CD38: variants seen among roughly 807,000 people sequenced by gnomAD.
CD38 encodes ADP-ribosyl cyclase/cyclic ADP-ribose hydrolase 1.
Under a neutral mutation model 36.3 loss-of-function variants are expected in CD38, and 31 were observed. That is an observed-to-expected ratio of 0.85 (90% CI 0.64 to 1.15). The LOEUF is 1.15. CD38 is among the 50% of genes most tolerant of loss of function. The pLI is 0.00. For missense variants in CD38, 380 were observed against 371.9 expected (o/e 1.02, Z -0.18); for synonymous variants, 131 against 135.2 (o/e 0.97, Z 0.22).
At chr4:15,786,964 A>T (rs2148914272) in intron 1 of CD38, among the ~76,000 whole-genome samples, 1 of 152,342 alleles carries the variant, frequency 6.6e-6, no homozygotes, top group East Asian at 1.9e-4. Flanking sequence ...CACCCTCCAC[A>T]GCTGCTGGCC....
chr4:15,802,994 A>G (rs905489023), intron 1 of CD38, among the ~76,000 whole-genome samples: 1 of 152,240 alleles, frequency 6.6e-6, no homozygotes, highest in African/African-American at 2.4e-5. Flanking sequence ...AAATTCACAT[A>G]TTTATGGCCT....
At chr4:15,802,900 A>C (rs1723260870) in intron 1 of CD38, among the ~76,000 whole-genome samples, 1 of 152,194 alleles carries the variant, frequency 6.6e-6, no homozygotes, top group Non-Finnish European at 1.5e-5. Flanking sequence ...CTTTACTTTA[A>C]AATATAATAC....
chr4:15,822,370 G>C (rs1396750124), intron 2 of CD38, among the ~76,000 whole-genome samples: 1 of 152,118 alleles, frequency 6.6e-6, no homozygotes, highest in Non-Finnish European at 1.5e-5. Flanking sequence ...AAGAAATAAA[G>C]TCTTTTCAAA....
At chr4:15,797,449 A>T (rs1476290187) in intron 1 of CD38, among the ~76,000 whole-genome samples, 1 of 152,204 alleles carries the variant, frequency 6.6e-6, no homozygotes, top group Non-Finnish European at 1.5e-5. Flanking sequence ...ACTTGCGCAT[A>T]TGATTTTTTC....
At chr4:15,805,251 G>T (rs2148919461) in intron 1 of CD38, among the ~76,000 whole-genome samples, 3 of 152,046 alleles carry the variant, frequency 2.0e-5, no homozygotes, top group Middle Eastern at 6.8e-3. Flanking sequence ...TCTAGTTAAG[G>T]TCCAGTTTGT....
At chr4:15,838,252 C>A in intron 5 of CD38, 87 bp downstream of exon 5, 1 of 1,103,104 alleles carries the variant, frequency 9.1e-7, no homozygotes, top group Admixed American at 1.9e-5. Flanking sequence ...ATATGCTTTT[C>A]ATGTTTCAGG....
chr4:15,823,010 A>G (rs1409892990), intron 2 of CD38, among the ~76,000 whole-genome samples: 2 of 152,124 alleles, frequency 1.3e-5, no homozygotes, highest in African/African-American at 4.8e-5. Flanking sequence ...CAGAGTAGAG[A>G]TCTCAGAAAT....
intron 2 of CD38, among the ~76,000 whole-genome samples, chr4:15,819,720 A>G (rs1193805710): frequency 6.6e-6 from 1 of 152,210 alleles, no homozygotes; most frequent in African/African-American, 2.4e-5. Flanking sequence ...AAAGGAACAA[A>G]CAAAACCTCT....
At position 15,849,146 on chromosome 4, in the gene CD38, C is replaced by G. The variant is rs2148930375; in HGVS notation, c.*544C>G. 1 of 152,390 alleles carries G rather than the reference C, an allele frequency of 6.6e-6. No individual in the cohort carries two copies. Among genetic ancestry groups the G allele is most frequent in the African/African-American group, 2.4e-5 (1 of 41,546 alleles). The allele number at this position is 152,390 out of a possible 1,614,324, so 9.4% of individuals were successfully genotyped here. A position where few individuals can be genotyped will look rare whatever the true frequency, so the allele number is the denominator to read the frequency against. On this transcript the variant is annotated 3_prime_UTR_variant, in exon 8 of 8. Coordinates refer to ENST00000226279, the MANE Select transcript of CD38 (RefSeq NM_001775.4). ...CCACGTACTTGGTGCTTTACCCCAA[C>G]CCTTCCAACAGTGCTGTGAGGTTGG...
At chr4:15,811,270 T>G (rs958479168) in intron 1 of CD38, among the ~76,000 whole-genome samples, 3 of 151,130 alleles carry the variant, frequency 2.0e-5, no homozygotes, top group Admixed American at 6.6e-5. Context: ...ATTTTAATTT[T>G]GATAAAGTGT....
chr4:15,848,516 C>T (rs754112935), intron 7 of CD38, 23 bp from the exon 8 acceptor site: 21 of 1,600,208 alleles, frequency 1.3e-5, no homozygotes, highest in Non-Finnish European at 1.7e-5. Context: ...CTCTTGATTT[C>T]CTTTTTTGCT....
rs571779888 is a variant in CD38 at position 15,781,174 on chromosome 4, A to G, written c.233+2527A>G. 9.8e-5 allele frequency among the ~76,000 whole-genome samples: 15 copies of G among 152,296 alleles called. No individual in the cohort carries two copies. In the South Asian group the frequency reaches 1.9e-3, roughly 19 times the overall value. On this transcript the variant is annotated intron_variant, in intron 1 of 7. Transcript: ENST00000226279. ...GCCTGGAAATCTCCTTACCAAACCT[A>G]TAAGATCATTAGGTATATTTTCTGC...
intron 1 of CD38, among the ~76,000 whole-genome samples, chr4:15,779,107 G>C (rs115747575): frequency 0.015 from 2,303 of 152,328 alleles, 58 homozygotes; most frequent in African/African-American, 0.053. Context: ...CCCCCGGACG[G>C]TTACAGAGGA....
In CD38 at chr4:15,828,387, C is replaced by T. The variant is rs372441842; in HGVS notation, c.499+3371C>T. On this transcript the variant is annotated intron_variant, in intron 3 of 7. Transcript: ENST00000226279. ...TAGCAATGTTGAAATGTACAGCACA[C>T]TATTATTAACTACAATCACCATGCT... 7.2e-5 allele frequency among the ~76,000 whole-genome samples: 11 copies of T among 152,268 alleles called. No individual in the cohort carries two copies. In the East Asian group the frequency reaches 1.5e-3, roughly 21 times the overall value.
At position 15,850,171 on chromosome 4, in the gene CD38, C is replaced by A. The variant is rs1724354171; in HGVS notation, c.*1569C>A. 6.6e-6 allele frequency: 1 copy of A among 152,142 alleles called. No homozygotes were observed. Among genetic ancestry groups the A allele is most frequent in the Non-Finnish European group, 1.5e-5 (1 of 68,056 alleles). 9.4% of individuals were successfully genotyped at this position (152,142 alleles called of 1,614,324 possible). On this transcript the variant is annotated 3_prime_UTR_variant, in exon 8 of 8. Coordinates refer to ENST00000226279, the MANE Select transcript of CD38 (RefSeq NM_001775.4). Reference sequence around the variant, plus strand: ...AAAATTACCTGGGTATGGTGTTGTGCACCTGTAGTCCCAGCTACTCTGGAG... The same window carrying A: ...AAAATTACCTGGGTATGGTGTTGTGAACCTGTAGTCCCAGCTACTCTGGAG...
chr4:15,779,198 A>T (rs1360229265), intron 1 of CD38, among the ~76,000 whole-genome samples: 1 of 152,216 alleles, frequency 6.6e-6, no homozygotes. Flanking sequence ...TTATTCATTT[A>T]TATAAAGCAG....
At chr4:15,790,635 C>T (rs1722952658) in intron 1 of CD38, among the ~76,000 whole-genome samples, 1 of 152,014 alleles carries the variant, frequency 6.6e-6, no homozygotes. Flanking sequence ...GCCTGGCCCC[C>T]CATCGTCTGG....
At chr4:15,790,789 G>A (rs1189226749) in intron 1 of CD38, among the ~76,000 whole-genome samples, 2 of 147,914 alleles carry the variant, frequency 1.4e-5, no homozygotes, top group Non-Finnish European at 3.0e-5. Context: ...CTGCCCGGCC[G>A]CCCATCGTCT....
At chr4:15,787,443 T>A (rs1722863070) in intron 1 of CD38, among the ~76,000 whole-genome samples, 1 of 152,144 alleles carries the variant, frequency 6.6e-6, no homozygotes, top group African/African-American at 2.4e-5. Context: ...ATGCTGGTGT[T>A]TGGTTGCTAT....
Sources: gnomAD v4.1 joint callset for allele counts (sites outside exome capture counted in the v4.1 genomes callset) on GRCh38, gnomAD v4.1.1 for gene constraint, MANE v1.5 for transcripts, NCBI Gene and HGNC (gene_info 2026-07-23, HGNC 2026-07-21) for gene names.